FRMPD4: variants seen among roughly 807,000 people sequenced by gnomAD.
The protein encoded by FRMPD4 is FERM and PDZ domain containing 4.
FRMPD4 carries 22 observed loss-of-function variants against 94.1 expected under a neutral mutation model. The observed-to-expected ratio is 0.23, with a 90% CI of 0.17 to 0.33. The LOEUF (loss-of-function observed/expected upper bound fraction) is 0.33, where lower values mean the gene tolerates loss of function less well. FRMPD4 is among the 10% of genes least tolerant of loss of function. FRMPD4 has a pLI of 1.00. For missense variants in FRMPD4, 1,111 were observed against 1,339.9 expected, an observed-to-expected ratio of 0.83 and a Z score of 2.67; for synonymous variants, 631 against 548.6, an observed-to-expected ratio of 1.15 and a Z score of -2.10.
At chrX:12,085,889 G>A (rs2055105082) in intron 3 of FRMPD4, among the ~76,000 whole-genome samples, 2 of 111,833 alleles carry the variant, frequency 1.8e-5, no homozygotes, top group Admixed American at 9.5e-5. Flanking sequence ...TCTGAGATTG[G>A]ACAGATACAT....
intron 1 of FRMPD4, among the ~76,000 whole-genome samples, chrX:12,282,047 T>A (rs547330685): frequency 7.6e-4 from 85 of 112,478 alleles, no homozygotes; most frequent in Admixed American, 5.2e-3. Context: ...TGATACAAAT[T>A]TAATCATAAA....
At chrX:12,584,979 G>T (rs2058910471) in intron 2 of FRMPD4, among the ~76,000 whole-genome samples, 1 of 111,427 alleles carries the variant, frequency 9.0e-6, no homozygotes, top group Non-Finnish European at 1.9e-5. Flanking sequence ...GGAGTGCAGT[G>T]GCACTATCTC....
At chrX:11,822,612 G>A (rs2147267513) in exon 1 of FRMPD4, among the ~76,000 whole-genome samples, 1 of 112,446 alleles carries the variant, frequency 8.9e-6, no homozygotes, top group East Asian at 2.8e-4. Context: ...AAGCCAGGAG[G>A]CAAGCCTGAG....
chrX:12,639,788 C>T (rs1362543158), intron 4 of FRMPD4, among the ~76,000 whole-genome samples: 3 of 111,593 alleles, frequency 2.7e-5, no homozygotes, highest in Non-Finnish European at 5.6e-5. Flanking sequence ...GGTCTTCTTT[C>T]GAGGGTGAAG....
At chrX:12,312,239 C>CTTTTTTTTTTTT (rs200625685) in intron 1 of FRMPD4, among the ~76,000 whole-genome samples, 2 of 61,544 alleles carry the variant, frequency 3.2e-5, no homozygotes, top group African/African-American at 1.4e-4. Context: ...TGCTCCATTA[C>CTTTTTTTTTTTT]TTTTTTTTTT....
chrX:12,665,208 C>T (rs747524639), intron 4 of FRMPD4, among the ~76,000 whole-genome samples: 6 of 111,538 alleles, frequency 5.4e-5, no homozygotes, highest in Admixed American at 1.9e-4. Flanking sequence ...TTTGGGAGGC[C>T]GTAGCAGGTG....
chrX:12,595,577 A>G (rs2059023698), intron 2 of FRMPD4, among the ~76,000 whole-genome samples: 1 of 112,400 alleles, frequency 8.9e-6, no homozygotes, highest in Non-Finnish European at 1.9e-5. Flanking sequence ...TTAAGCATGT[A>G]TGGCCTCTGA....
At chrX:12,138,286 G>C (rs1032670587), upstream of FRMPD4, among the ~76,000 whole-genome samples, 3 of 112,453 alleles carry the variant, frequency 2.7e-5, no homozygotes, top group Non-Finnish European at 5.6e-5. Context: ...GCGGTTGCAC[G>C]GCTCTCCTTC....
intron 2 of FRMPD4, among the ~76,000 whole-genome samples, chrX:12,518,822 C>T (rs780196201): frequency 1.7e-4 from 17 of 101,584 alleles, no homozygotes; most frequent in South Asian, 8.0e-4. Context: ...TACGTGCGCG[C>T]GTGCACACAC....
intron 1 of FRMPD4, among the ~76,000 whole-genome samples, chrX:12,445,052 A>C (rs5935343): frequency 0.26 from 29,159 of 111,196 alleles, 2,991 homozygotes; most frequent in Non-Finnish European, 0.32. Context: ...TCCCTGTCTT[A>C]GAACTTGGTT....
intron 1 of FRMPD4, among the ~76,000 whole-genome samples, chrX:12,140,950 T>A (rs373300246): frequency 1.8e-5 from 2 of 112,070 alleles, no homozygotes; most frequent in African/African-American, 6.5e-5. Context: ...TCTGAGCTGA[T>A]GTGCCGATTA....
chrX:11,892,304 AAGAGTAAACTGG>A (rs2053879533), intron 3 of FRMPD4, among the ~76,000 whole-genome samples: 1 of 112,367 alleles, frequency 8.9e-6, no homozygotes, highest in Admixed American at 9.4e-5. Flanking sequence ...GCTCACAGAA[AAGAGTAAACTGG>A]CTTGAAACCC....
At chrX:12,271,794 A>G (rs1441328633) in intron 1 of FRMPD4, among the ~76,000 whole-genome samples, 1 of 112,082 alleles carries the variant, frequency 8.9e-6, no homozygotes, top group East Asian at 2.8e-4. Context: ...TCCTTAGACA[A>G]TTGCATCCCA....
At chrX:12,337,617 G>C (rs1468955458) in intron 1 of FRMPD4, among the ~76,000 whole-genome samples, 4 of 111,895 alleles carry the variant, frequency 3.6e-5, no homozygotes, top group Admixed American at 1.9e-4. Context: ...CTGCAGAGGT[G>C]CTTTGCGACA....
chrX:12,207,842 C>T (rs1245569747), intron 1 of FRMPD4, among the ~76,000 whole-genome samples: 1 of 111,428 alleles, frequency 9.0e-6, no homozygotes, highest in Non-Finnish European at 1.9e-5. Context: ...TTTCAAGGAA[C>T]ACAAAAGGAA....
chrX:11,931,720 C>T (rs1203509633), intron 3 of FRMPD4, among the ~76,000 whole-genome samples: 1 of 112,159 alleles, frequency 8.9e-6, no homozygotes, highest in Non-Finnish European at 1.9e-5. Context: ...TGGGAAAAGA[C>T]AAAGAACTGG....
intron 11 of FRMPD4, among the ~76,000 whole-genome samples, chrX:12,706,589 G>A (rs2041878692): frequency 9.0e-6 from 1 of 111,620 alleles, no homozygotes; most frequent in Admixed American, 9.5e-5. Flanking sequence ...ATACCCATGA[G>A]TGCCCCATAC....
At chrX:11,947,189 A>T (rs1249440469) in intron 3 of FRMPD4, among the ~76,000 whole-genome samples, 1 of 112,018 alleles carries the variant, frequency 8.9e-6, no homozygotes. Flanking sequence ...CAGATACAAG[A>T]GTATACCACC....
At chrX:11,928,031 C>A (rs1332601031) in intron 3 of FRMPD4, among the ~76,000 whole-genome samples, 1 of 112,198 alleles carries the variant, frequency 8.9e-6, no homozygotes, top group African/African-American at 3.2e-5. Context: ...TATCCAGCAT[C>A]CATAAGTAAC....
Sources: allele counts gnomAD v4.1 joint callset (sites outside exome capture counted in the v4.1 genomes callset), GRCh38; gene constraint gnomAD v4.1.1; transcripts MANE v1.5; gene names NCBI Gene and HGNC (gene_info 2026-07-23, HGNC 2026-07-21).